The following PDZD2 variants were observed in gnomAD, a reference collection of about 807,000 sequenced individuals.
The protein encoded by PDZD2 is PDZ domain containing 2, also known as PDZ domain-containing protein 2.
Under a neutral mutation model 220.7 loss-of-function variants are expected in PDZD2, and 90 were observed. The observed-to-expected ratio is 0.41, with a 90% CI of 0.34 to 0.49. PDZD2 has a LOEUF of 0.49. Ranked by LOEUF, PDZD2 falls within the 20% of genes least tolerant of loss-of-function variation. The pLI, the probability that PDZD2 is intolerant of heterozygous loss-of-function variation, is 0.28. For synonymous variants in PDZD2, 1,375 were observed against 1,450.5 expected (o/e 0.95, Z 1.18); for missense variants, 3,174 against 3,608.5 (o/e 0.88, Z 3.08).
Position 31,978,706 on chromosome 5 carries a change from C to T in PDZD2, c.477-4449C>T, listed in dbSNP as rs538958688. 1.6e-4 allele frequency among the ~76,000 whole-genome samples: 5 copies of T among 31,876 alleles called. No homozygotes were observed. In the South Asian group the frequency reaches 6.2e-3, roughly 39 times the overall value. The allele number at this position is 31,876 out of a possible 152,430, so 20.9% of individuals were successfully genotyped here. A position where few individuals can be genotyped will look rare whatever the true frequency, so the allele number is the denominator to read the frequency against. On this transcript the variant is annotated intron_variant, in intron 2 of 24. Transcript: ENST00000438447. ...CTCTAGCCTGGGCGACAGAGCGAGA[C>T]TCCATCTCAAAAAAAAAAAAAAGAA...
chr5:31,683,521 A>T (rs1374560679), intron 1 of PDZD2, among the ~76,000 whole-genome samples: 1 of 152,218 alleles, frequency 6.6e-6, no homozygotes, highest in African/African-American at 2.4e-5. Context: ...TGAAAATCAA[A>T]AGACTTTGTA....
chr5:31,642,672 G>A (rs1389507615), intron 1 of PDZD2, among the ~76,000 whole-genome samples: 1 of 152,240 alleles, frequency 6.6e-6, no homozygotes, highest in Non-Finnish European at 1.5e-5. Context: ...AGAGAGTAGA[G>A]AAGCTAGATC....
At chr5:32,062,932 CAT>C (rs759711199) in intron 14 of PDZD2, among the ~76,000 whole-genome samples, 4 of 152,104 alleles carry the variant, frequency 2.6e-5, no homozygotes, top group Non-Finnish European at 4.4e-5. Context: ...AGAGGAACCA[CAT>C]GGGGCCTTGA....
chr5:31,881,364 GTGTGTATA>G (rs1339138690), intron 2 of PDZD2, among the ~76,000 whole-genome samples: 1 of 109,802 alleles, frequency 9.1e-6, no homozygotes, highest in Admixed American at 8.4e-5. Flanking sequence ...GTGTGTGTGT[GTGTGTATA>G]TATTTTTTTT....
chr5:31,880,089 T>C (rs148416771), intron 2 of PDZD2, among the ~76,000 whole-genome samples: 183 of 151,596 alleles, frequency 1.2e-3, no homozygotes, highest in African/African-American at 4.4e-3. Flanking sequence ...CTGGCTACTT[T>C]TTGTATTTTT....
intron 1 of PDZD2, among the ~76,000 whole-genome samples, chr5:31,683,416 A>G (rs1013687519): frequency 2.0e-5 from 3 of 152,214 alleles, no homozygotes; most frequent in Admixed American, 6.5e-5. Context: ...AAGGTGACCC[A>G]TAATTTCACC....
At chr5:31,798,205 A>G (rs182695075) in intron 1 of PDZD2, among the ~76,000 whole-genome samples, 139 of 152,336 alleles carry the variant, frequency 9.1e-4, no homozygotes, top group Non-Finnish European at 1.8e-4. Context: ...GCATTTGGAG[A>G]AACATTCCTC....
chr5:31,757,739 A>C (rs1384769605), intron 1 of PDZD2, among the ~76,000 whole-genome samples: 1 of 152,210 alleles, frequency 6.6e-6, no homozygotes, highest in Non-Finnish European at 1.5e-5. Context: ...GAATGGTCAC[A>C]GGTGGTTTTG....
intron 1 of PDZD2, among the ~76,000 whole-genome samples, chr5:31,710,226 G>T (rs1748025541): frequency 6.6e-6 from 1 of 152,150 alleles, no homozygotes; most frequent in South Asian, 2.1e-4. Flanking sequence ...CTTTTTGGTT[G>T]CTGGACTGTA....
chr5:31,894,614 G>A (rs370046056), intron 2 of PDZD2, among the ~76,000 whole-genome samples: 9 of 152,110 alleles, frequency 5.9e-5, no homozygotes, highest in Admixed American at 3.9e-4. Flanking sequence ...ACCCCTGTCC[G>A]CATGTACACT....
intron 1 of PDZD2, among the ~76,000 whole-genome samples, chr5:31,778,352 C>A (rs945650919): frequency 6.6e-6 from 1 of 152,182 alleles, no homozygotes; most frequent in Admixed American, 6.5e-5. Flanking sequence ...AAGCTTTGTT[C>A]TTTCGCTCTT....
At chr5:31,696,028 A>G (rs1477661081) in intron 1 of PDZD2, among the ~76,000 whole-genome samples, 1 of 151,916 alleles carries the variant, frequency 6.6e-6, no homozygotes, top group Non-Finnish European at 1.5e-5. Flanking sequence ...TAAGACTTCC[A>G]GCATTCCAGT....
intron 2 of PDZD2, among the ~76,000 whole-genome samples, chr5:31,853,777 G>T (rs1192678107): frequency 6.6e-6 from 1 of 152,162 alleles, no homozygotes; most frequent in Non-Finnish European, 1.5e-5. Flanking sequence ...GGTGGAGTGG[G>T]ACTGGGGTGT....
chr5:31,760,155 C>T (rs1751544629), intron 1 of PDZD2, among the ~76,000 whole-genome samples: 3 of 151,994 alleles, frequency 2.0e-5, no homozygotes, highest in South Asian at 2.1e-4. Context: ...GTGGCCATTG[C>T]GTTGATGGCT....
intron 2 of PDZD2, among the ~76,000 whole-genome samples, chr5:31,824,573 G>A (rs1166834494): frequency 6.6e-6 from 1 of 152,068 alleles, no homozygotes; most frequent in Non-Finnish European, 1.5e-5. Flanking sequence ...GAATCAGCCT[G>A]CCTTGATCCT....
intron 2 of PDZD2, among the ~76,000 whole-genome samples, chr5:31,932,092 C>G (rs1745343740): frequency 6.6e-6 from 1 of 152,134 alleles, no homozygotes. Flanking sequence ...TCATAACTTT[C>G]TGTGTGTGAT....
At position 31,905,031 on chromosome 5, in the gene PDZD2, C is replaced by T. The variant is rs141850042; in HGVS notation, c.477-78124C>T. Among the ~76,000 whole-genome samples, 703 of 152,110 alleles carry T rather than the reference C, an allele frequency of 4.6e-3. 6 individuals are homozygous for T. Among genetic ancestry groups the T allele is most frequent in the African/African-American group, 0.016 (677 of 41,508 alleles). On this transcript the variant is annotated intron_variant, in intron 2 of 24. Transcript: ENST00000438447. ...TCACCCAGGCCGGAGTGCAGTGGCC[C>T]GATCTTAGCCCACTGCAACCTCCGT...
intron 22 of PDZD2, 93 bp downstream of exon 22, chr5:32,097,473 A>G (rs936038673): frequency 1.3e-6 from 1 of 775,326 alleles, no homozygotes; most frequent in Middle Eastern, 2.3e-4. Flanking sequence ...GCGGGTTCAG[A>G]GATTGCTGGA....
In PDZD2 at chr5:32,074,022, T is replaced by A; in HGVS notation, c.2916T>A (p.Asp972Glu). Residue 972 changes from aspartate (D) to glutamate (E), a missense_variant, in exon 18 of 25, where the codon GAT becomes GAA. Around this residue, in one of 4 missense-constraint regions of PDZD2, gnomAD observed 1,861 missense variants for 2,001.0 expected, o/e 0.93. Transcript: ENST00000438447. ...GCTACGATGCCAACGATGCCAGTGATGAGGAAGAGTTTGACAGAGAAGGGG... is the reference window on the plus strand; with the variant it reads ...GCTACGATGCCAACGATGCCAGTGAAGAGGAAGAGTTTGACAGAGAAGGGG... ...VGCYDANDASDEEEFDREGDC... is the reference protein window; with the variant it reads ...VGCYDANDASEEEEFDREGDC... The A allele has an allele frequency of 6.2e-7, 1 of 1,614,072 alleles. No homozygotes were observed. Among genetic ancestry groups the A allele is most frequent in the Non-Finnish European group, 8.5e-7 (1 of 1,179,994 alleles).
Sources: gnomAD v4.1 joint callset for allele counts (sites outside exome capture counted in the v4.1 genomes callset) on GRCh38, gnomAD v4.1.1 for gene constraint, gnomAD v4.1.1 regional missense constraint, MANE v1.5 for transcripts, NCBI Gene and HGNC (gene_info 2026-07-23, HGNC 2026-07-21) for gene names.